Variants in BSN observed in about 807,000 individuals in gnomAD.
BSN encodes the protein bassoon presynaptic cytomatrix protein.
BSN carries 57 observed loss-of-function variants against 264.8 expected under a neutral mutation model. The observed-to-expected ratio is 0.22, with a 90% confidence interval of 0.17 to 0.27. The LOEUF (loss-of-function observed/expected upper bound fraction) is 0.27. Among genes scored for constraint, BSN ranks in the 10% least tolerant of loss-of-function variants. BSN has a pLI of 1.00. For missense variants in BSN, 4,615 were observed against 5,232.5 expected (o/e 0.88, Z 3.64); for synonymous variants, 2,059 against 2,137.3 (o/e 0.96, Z 1.01).
At chr3:49,626,095 T>C (rs1296061365) in intron 2 of BSN, among the ~76,000 whole-genome samples, 1 of 152,194 alleles carries the variant, frequency 6.6e-6, no homozygotes, top group Non-Finnish European at 1.5e-5. Flanking sequence ...ACAAGAGGAC[T>C]CTGGGTCCAC....
In BSN at chr3:49,598,738, A is replaced by G. The variant is rs1314894570; in HGVS notation, c.225-26237A>G. On this transcript the variant is annotated intron_variant, in intron 1 of 11. Coordinates refer to ENST00000296452, the MANE Select transcript of BSN (RefSeq NM_003458.4). ...ATTACACTTAATGGTGAAAAACTGA[A>G]TGCTTTCCCCATAAAACTGTGTACG... 2.0e-5 allele frequency among the ~76,000 whole-genome samples: 3 copies of G among 152,320 alleles called. No homozygotes were observed. The East Asian group carries it at 5.8e-4, about 29-fold the overall frequency.
Position 49,656,277 on chromosome 3 carries a change from C to A in BSN, c.6721C>A (p.Leu2241Met). ...GGITAVPLTS[L>M]TRVPMIAPRV... ...AATCACAGCCGTGCCACTCACCAGT[C>A]TGACACGTGTGCCCATGATTGCCCC... The change falls in exon 5 of 12, where the codon CTG becomes ATG. Residue 2241 changes from leucine (L) to methionine (M), a missense_variant. Transcript: ENST00000296452. The A allele has an allele frequency of 6.2e-7, 1 of 1,613,126 alleles. No individual in the cohort carries two copies. Among genetic ancestry groups the A allele is most frequent in the Non-Finnish European group, 8.5e-7 (1 of 1,179,838 alleles).
intron 2 of BSN, among the ~76,000 whole-genome samples, chr3:49,637,380 G>A (rs893887541): frequency 6.6e-6 from 1 of 152,174 alleles, no homozygotes; most frequent in African/African-American, 2.4e-5. Context: ...TGGCAAGCAA[G>A]GCTGAGTCCC....
At chr3:49,631,305 C>T (rs1435417219) in intron 2 of BSN, among the ~76,000 whole-genome samples, 2 of 151,922 alleles carry the variant, frequency 1.3e-5, no homozygotes, top group Non-Finnish European at 2.9e-5. Context: ...CCTGTAATCC[C>T]AACACTTTGA....
intron 1 of BSN, among the ~76,000 whole-genome samples, chr3:49,603,410 G>A (rs2052087107): frequency 6.6e-6 from 1 of 152,176 alleles, no homozygotes; most frequent in Non-Finnish European, 1.5e-5. Context: ...GACTTCTTAG[G>A]GTGTATCTTA....
chr3:49,635,639 G>C (rs938126110), intron 2 of BSN, among the ~76,000 whole-genome samples: 3 of 152,070 alleles, frequency 2.0e-5, no homozygotes, highest in African/African-American at 4.8e-5. Context: ...TTGTTCTTCT[G>C]TCTGTCCATC....
rs767112247 is a variant in BSN, at chr3:49,652,801, G to A, written c.3245G>A (p.Arg1082Gln). 8 of 1,554,814 alleles carry A rather than the reference G, an allele frequency of 5.1e-6. No individual in the cohort carries two copies. The highest frequency in any genetic ancestry group is 2.7e-5 in the African/African-American group (2 of 72,994). ...ACCCGGCGGGACAAGGAAGAACTGCGGGCCCAGCGGAGGCGAGAGCGCTCC... is the reference window on the plus strand; with the variant it reads ...ACCCGGCGGGACAAGGAAGAACTGCAGGCCCAGCGGAGGCGAGAGCGCTCC... ...RKTRRDKEEL[R>Q]AQRRRERSKT... Residue 1082 changes from arginine (R) to glutamine (Q), a missense_variant, in exon 5 of 12, where the codon CGG becomes CAG. Coordinates refer to ENST00000296452, the MANE Select transcript of BSN (RefSeq NM_003458.4).
Position 49,655,967 on chromosome 3 carries a change from T to G in BSN, c.6411T>G (p.Ala2137=), listed in dbSNP as rs1366696058. The G allele has an allele frequency of 1.2e-6, 2 of 1,609,674 alleles. No homozygotes were observed. The highest frequency in any genetic ancestry group is 2.2e-5 in the South Asian group (2 of 91,048). The change falls in exon 5 of 12, where the codon GCT becomes GCG. Residue 2137 remains alanine, a synonymous_variant. Coordinates refer to ENST00000296452, the MANE Select transcript of BSN (RefSeq NM_003458.4). ...CCCAGCACGGGCCCGGGCTCAGTGC[T>G]CCACAGAGTCTGGTTCCCCTCAGAC... The part of the protein sequence containing the change: ...YQPQHGPGLS[A]PQSLVPLRPG...
chr3:49,664,942 T>C, intron 10 of BSN, 89 bp downstream of exon 10: 2 of 985,126 alleles, frequency 2.0e-6, no homozygotes, highest in East Asian at 2.4e-5. Context: ...GAAGGGGTCC[T>C]CTGGGAGGAG....
chr3:49,605,690 T>A (rs1298103921), intron 1 of BSN, among the ~76,000 whole-genome samples: 1 of 58,884 alleles, frequency 1.7e-5, no homozygotes, highest in Non-Finnish European at 2.8e-5. Flanking sequence ...TAATATATAT[T>A]ATATATAATA....
At chr3:49,590,994 C>T (rs2051972964) in intron 1 of BSN, among the ~76,000 whole-genome samples, 1 of 151,652 alleles carries the variant, frequency 6.6e-6, no homozygotes. Flanking sequence ...TCCCTTGAAC[C>T]CCGGAGGCAG....
At chr3:49,622,544 T>C (rs948110809) in intron 1 of BSN, among the ~76,000 whole-genome samples, 2 of 152,196 alleles carry the variant, frequency 1.3e-5, no homozygotes, top group African/African-American at 4.8e-5. Flanking sequence ...GCCTGCTACT[T>C]ATTGGGCAAC....
intron 1 of BSN, among the ~76,000 whole-genome samples, chr3:49,599,860 T>G (rs2108031608): frequency 6.6e-6 from 1 of 152,330 alleles, no homozygotes; most frequent in South Asian, 2.1e-4. Context: ...CCTAGGAATT[T>G]TCCTGGGTGG....
intron 1 of BSN, among the ~76,000 whole-genome samples, chr3:49,622,492 G>T (rs528857335): frequency 6.6e-6 from 1 of 152,256 alleles, no homozygotes; most frequent in South Asian, 2.1e-4. Flanking sequence ...AGACTATATT[G>T]TGATACAACA....
chr3:49,620,707 G>A (rs1258973407), intron 1 of BSN, among the ~76,000 whole-genome samples: 1 of 151,904 alleles, frequency 6.6e-6, no homozygotes, highest in African/African-American at 2.4e-5. Context: ...CTTATTCTGG[G>A]GCTGGGCTTG....
In BSN at chr3:49,634,023, G is replaced by A. The variant is rs1365412731; in HGVS notation, c.634-8245G>A. ...AGATCGAGACCATCTTGGCCAACATGGTGAAACCCCATCTCTACTAAAATA... is the reference window on the plus strand; with the variant it reads ...AGATCGAGACCATCTTGGCCAACATAGTGAAACCCCATCTCTACTAAAATA... On this transcript the variant is annotated intron_variant, in intron 2 of 11. Transcript: ENST00000296452. Among the ~76,000 whole-genome samples, 3 of 152,190 alleles carry A rather than the reference G, an allele frequency of 2.0e-5. No individual in the cohort carries two copies. In the East Asian group the frequency reaches 5.8e-4, roughly 29 times the overall value.
At chr3:49,644,604 G>T (rs1019059350) in intron 3 of BSN, among the ~76,000 whole-genome samples, 9 of 152,150 alleles carry the variant, frequency 5.9e-5, no homozygotes, top group Admixed American at 5.2e-4. Context: ...GGGGAAAGGG[G>T]TGCACCAGGG....
chr3:49,602,602 C>T (rs1175080185), intron 1 of BSN, among the ~76,000 whole-genome samples: 4 of 152,094 alleles, frequency 2.6e-5, no homozygotes, highest in African/African-American at 7.2e-5. Context: ...CACACCACCA[C>T]GCCCAGCTAA....
At position 49,554,675 on chromosome 3, in the gene BSN, C is replaced by G. The variant is rs1242390906; in HGVS notation, c.73C>G (p.Pro25Ala). Residue 25 changes from proline (P) to alanine (A), a missense_variant, in exon 1 of 12, where the codon CCG (proline) becomes GCG (alanine). Transcript: ENST00000296452. ...PLPPGGAGPG[P>A]GPGPGPGAGK... is the part of the protein sequence containing the mutation. The stretch of plus-strand genomic sequence containing the variant: ...GCCGCCCGGCGGCGCCGGCCCCGGC[C>G]CGGGCCCCGGCCCCGGCCCCGGCGC... 20 of 1,014,300 alleles carry G rather than the reference C, an allele frequency of 2.0e-5. No homozygotes were observed. Among genetic ancestry groups the G allele is most frequent in the Non-Finnish European group, 2.2e-5 (19 of 848,688 alleles). The allele number at this position is 1,014,300 out of a possible 1,614,324, so 62.8% of individuals were successfully genotyped here. A position where few individuals can be genotyped will look rare whatever the true frequency, so the allele number is the denominator to read the frequency against.
Sources: allele counts gnomAD v4.1 joint callset (sites outside exome capture counted in the v4.1 genomes callset), GRCh38; gene constraint gnomAD v4.1.1; transcripts MANE v1.5; gene names NCBI Gene and HGNC (gene_info 2026-07-23, HGNC 2026-07-21).